Variants in KLHL1 observed in about 807,000 individuals in gnomAD.
KLHL1 encodes kelch-like protein 1.
A neutral mutation model predicts 77.7 loss-of-function variants in KLHL1; 47 were observed. The ratio of observed to expected loss-of-function variants is 0.60; its 90% confidence interval spans 0.48 to 0.77. KLHL1 has a LOEUF of 0.77. KLHL1 is among the 30% of genes least tolerant of loss of function. KLHL1 has a pLI of 0.00. For missense variants in KLHL1, 925 were observed against 910.8 expected (o/e 1.02, Z -0.20); for synonymous variants, 360 against 325.2 (o/e 1.11, Z -1.15).
At chr13:69,902,568 A>G (rs768183442) in intron 4 of KLHL1, among the ~76,000 whole-genome samples, 18 of 152,200 alleles carry the variant, frequency 1.2e-4, no homozygotes, top group Non-Finnish European at 2.1e-4. Context: ...ACGGAATACC[A>G]TGCAACTACA....
intron 1 of KLHL1, among the ~76,000 whole-genome samples, chr13:70,058,443 CTG>C (rs1220007303): frequency 2.0e-5 from 3 of 152,024 alleles, no homozygotes; most frequent in Non-Finnish European, 2.9e-5. Context: ...AGTGAACAAT[CTG>C]AAAAAGAAAT....
chr13:69,777,144 C>G (rs1167589005), intron 7 of KLHL1, among the ~76,000 whole-genome samples: 1 of 152,078 alleles, frequency 6.6e-6, no homozygotes. Flanking sequence ...TGCACATGCT[C>G]TCTTGTCTGC....
Position 69,907,227 on chromosome 13 carries a change from T to C in KLHL1, c.1015-24732A>G, listed in dbSNP as rs1593937786. 2.6e-5 allele frequency among the ~76,000 whole-genome samples: 4 copies of C among 152,128 alleles called. No homozygotes were observed. In the South Asian group the frequency reaches 8.3e-4, roughly 31 times the overall value. ...TTAAAAACTATTTGACCTTTAGGCG[T>C]ATTAAATAAATATATCACCATTTTA... On this transcript the variant is annotated intron_variant, in intron 4 of 10. Transcript: ENST00000377844.
chr13:69,907,579 C>T (rs1882084727), intron 4 of KLHL1, among the ~76,000 whole-genome samples: 1 of 151,802 alleles, frequency 6.6e-6, no homozygotes, highest in Admixed American at 6.6e-5. Flanking sequence ...GACAAGGTAG[C>T]AAGAAAGTTA....
At chr13:70,025,022 T>C (rs1360824819) in intron 1 of KLHL1, among the ~76,000 whole-genome samples, 1 of 151,970 alleles carries the variant, frequency 6.6e-6, no homozygotes, top group African/African-American at 2.4e-5. Flanking sequence ...ATGAAGGAGA[T>C]ACTATATTTC....
At chr13:70,024,673 T>G (rs1162541592) in intron 1 of KLHL1, among the ~76,000 whole-genome samples, 3 of 149,088 alleles carry the variant, frequency 2.0e-5, no homozygotes, top group Non-Finnish European at 3.0e-5. Context: ...TCTGGCTCTG[T>G]CTCTTTTTCT....
chr13:69,838,329 A>G (rs1879110053), intron 6 of KLHL1, among the ~76,000 whole-genome samples: 2 of 151,746 alleles, frequency 1.3e-5, no homozygotes, highest in Non-Finnish European at 3.0e-5. Context: ...CACTTTTTGC[A>G]TATTATTTTT....
intron 9 of KLHL1, among the ~76,000 whole-genome samples, chr13:69,710,221 A>G (rs1351857345): frequency 1.3e-5 from 2 of 151,758 alleles, no homozygotes; most frequent in Non-Finnish European, 2.9e-5. Context: ...TTTTAAGAAT[A>G]CTCATTTGTC....
At chr13:69,989,368 A>G (rs1302133664) in intron 1 of KLHL1, among the ~76,000 whole-genome samples, 1 of 151,878 alleles carries the variant, frequency 6.6e-6, no homozygotes, top group Non-Finnish European at 1.5e-5. Flanking sequence ...GCATTGTAGT[A>G]TGGTTTGAAG....
chr13:69,909,940 A>G (rs1163560318), intron 4 of KLHL1, among the ~76,000 whole-genome samples: 2 of 152,208 alleles, frequency 1.3e-5, no homozygotes, highest in Non-Finnish European at 2.9e-5. Context: ...CACAGCGTCA[A>G]GGATCCTTTC....
At chr13:69,714,111 A>G (rs1053494282) in intron 9 of KLHL1, among the ~76,000 whole-genome samples, 2 of 152,172 alleles carry the variant, frequency 1.3e-5, no homozygotes, top group Admixed American at 1.3e-4. Context: ...TGATCCAGAA[A>G]GGAAGATGGA....
At chr13:69,812,210 GT>G (rs1400647872) in intron 6 of KLHL1, among the ~76,000 whole-genome samples, 1 of 152,110 alleles carries the variant, frequency 6.6e-6, no homozygotes, top group African/African-American at 2.4e-5. Context: ...CAATTGAGCG[GT>G]TCTGAGTGAG....
chr13:69,889,122 C>T (rs1881331464), intron 4 of KLHL1, among the ~76,000 whole-genome samples: 1 of 151,764 alleles, frequency 6.6e-6, no homozygotes, highest in Admixed American at 6.6e-5. Context: ...AAGACATCTC[C>T]CTTCAAGTAT....
chr13:70,027,988 G>A (rs1026488690), intron 1 of KLHL1, among the ~76,000 whole-genome samples: 1 of 152,062 alleles, frequency 6.6e-6, no homozygotes, highest in African/African-American at 2.4e-5. Flanking sequence ...ACCCATGATT[G>A]AAGAAATTCC....
chr13:70,065,504 T>A (rs1198874554), intron 1 of KLHL1, among the ~76,000 whole-genome samples: 1 of 152,198 alleles, frequency 6.6e-6, no homozygotes, highest in Non-Finnish European at 1.5e-5. Context: ...TACCTATTCT[T>A]ACTACAATCA....
At chr13:70,027,234 T>C (rs2875586) in intron 1 of KLHL1, among the ~76,000 whole-genome samples, 125,511 of 152,034 alleles carry the variant, frequency 0.83, 52,619 homozygotes, top group East Asian at 0.92. Flanking sequence ...AATTCTCCTT[T>C]ACAAACATTA....
At chr13:70,082,962 A>G (rs1378773843) in intron 1 of KLHL1, among the ~76,000 whole-genome samples, 1 of 152,188 alleles carries the variant, frequency 6.6e-6, no homozygotes, top group Non-Finnish European at 1.5e-5. Flanking sequence ...AATAGACACT[A>G]GAAACTAACG....
At chr13:69,851,614 G>C (rs937524345) in intron 5 of KLHL1, among the ~76,000 whole-genome samples, 3 of 151,682 alleles carry the variant, frequency 2.0e-5, no homozygotes, top group Non-Finnish European at 4.4e-5. Context: ...ATTAATCTTA[G>C]AATAAAAGAT....
At chr13:70,026,119 G>T (rs1593684456) in intron 1 of KLHL1, among the ~76,000 whole-genome samples, 1 of 152,012 alleles carries the variant, frequency 6.6e-6, no homozygotes, top group African/African-American at 2.4e-5. Context: ...GAGCTTCTTT[G>T]TCTGACCATA....
Sources: allele counts gnomAD v4.1 joint callset (sites outside exome capture counted in the v4.1 genomes callset), GRCh38; gene constraint gnomAD v4.1.1; transcripts MANE v1.5; gene names NCBI Gene and HGNC (gene_info 2026-07-23, HGNC 2026-07-21).